RPS6KA2: variants seen among roughly 807,000 people sequenced by gnomAD.
RPS6KA2 encodes ribosomal protein S6 kinase A2.
In RPS6KA2, 42 loss-of-function variants were observed where a neutral mutation model predicts 91.8. The observed-to-expected ratio is 0.46, with a 90% CI of 0.36 to 0.59. The LOEUF (loss-of-function observed/expected upper bound fraction) is 0.59. Among genes scored for constraint, RPS6KA2 ranks in the 20% least tolerant of loss-of-function variants. The pLI is 0.00. For missense variants in RPS6KA2, 798 were observed against 978.5 expected (o/e 0.82, Z 2.46); for synonymous variants, 414 against 393.6 (o/e 1.05, Z -0.61).
chr6:166,763,272 T>C (rs1381892236), intron 2 of RPS6KA2, among the ~76,000 whole-genome samples: 1 of 152,210 alleles, frequency 6.6e-6, no homozygotes, highest in African/African-American at 2.4e-5. Context: ...ATTAAGAAAA[T>C]GGAAAAATAT....
chr6:166,621,593 A>G (rs1320537353), intron 1 of RPS6KA2, among the ~76,000 whole-genome samples: 1 of 152,246 alleles, frequency 6.6e-6, no homozygotes, highest in East Asian at 1.9e-4. Context: ...AATTCAGTGT[A>G]ATCAGAAATA....
intron 2 of RPS6KA2, among the ~76,000 whole-genome samples, chr6:166,653,324 G>A (rs1030999643): frequency 1.3e-5 from 2 of 152,330 alleles, no homozygotes; most frequent in East Asian, 3.9e-4. Flanking sequence ...GCCTCCCAAA[G>A]TGCTGGGATT....
rs1362226857 is a variant in RPS6KA2, at chr6:166,626,554, G to T, written c.99+367C>A. ...GGCTTCTCCACTCGGGACTTTGAGG[G>T]ACCCCCGCGGAGCGCTCCGCGCCAC... On this transcript the variant is annotated intron_variant, in intron 1 of 20. Transcript: ENST00000265678. This position sits in a 1 kb window ranked among gnomAD's most constrained non-coding sequence, Gnocchi z 4.1. Among the ~76,000 whole-genome samples the T allele has an allele frequency of 6.6e-6, 1 of 152,204 alleles. No homozygotes were observed. The highest frequency in any genetic ancestry group is 1.5e-5 in the Non-Finnish European group (1 of 68,026).
chr6:166,814,472 G>A (rs979175009), intron 2 of RPS6KA2, among the ~76,000 whole-genome samples: 16 of 152,356 alleles, frequency 1.1e-4, no homozygotes, highest in African/African-American at 3.8e-4. Flanking sequence ...CCAGCCCGTG[G>A]CCTGTTAGGA....
chr6:166,742,065 T>G (rs1790832638), intron 2 of RPS6KA2, among the ~76,000 whole-genome samples: 1 of 152,156 alleles, frequency 6.6e-6, no homozygotes, highest in African/African-American at 2.4e-5. Flanking sequence ...GAGGCGGCTG[T>G]TGCAGTGAGC....
chr6:166,644,628 C>A (rs1787552113), intron 2 of RPS6KA2, among the ~76,000 whole-genome samples: 1 of 152,146 alleles, frequency 6.6e-6, no homozygotes, highest in Non-Finnish European at 1.5e-5. Flanking sequence ...AGGGCCCATA[C>A]ATATTAAAAA....
rs544970045 is a variant in RPS6KA2, at chr6:166,745,447, C to T, written c.123+112753G>A. On this transcript the variant is annotated intron_variant, in intron 2 of 21. Coordinates refer to the RPS6KA2 transcript ENST00000503859. ...GATTCCAGGTGTGAGCCACTGCACC[C>T]GGCCCTAATCTCCTCTTATCATAAA... is the stretch of plus-strand genomic sequence containing the variant. Among the ~76,000 whole-genome samples, 7 of 152,300 alleles carry T rather than the reference C, an allele frequency of 4.6e-5. No homozygotes were observed. In the South Asian group the frequency reaches 6.2e-4, roughly 14 times the overall value.
At chr6:166,560,208 C>T (rs1173094307) in intron 1 of RPS6KA2, among the ~76,000 whole-genome samples, 3 of 152,202 alleles carry the variant, frequency 2.0e-5, no homozygotes, top group Admixed American at 6.5e-5. Flanking sequence ...TTCTGGCCCT[C>T]TGTGTTCTGC....
At chr6:166,690,794 C>T (rs1231727808) in intron 2 of RPS6KA2, among the ~76,000 whole-genome samples, 3 of 152,098 alleles carry the variant, frequency 2.0e-5, no homozygotes, top group African/African-American at 7.2e-5. Context: ...AAACACTGCC[C>T]CTGCACTGTG....
At chr6:166,702,143 A>T (rs1215868014) in intron 2 of RPS6KA2, 1 of 1,579,034 alleles carries the variant, frequency 6.3e-7, no homozygotes, top group African/African-American at 1.3e-5. Context: ...GTGGACATCG[A>T]TTTTAGACTG....
intron 11 of RPS6KA2, among the ~76,000 whole-genome samples, chr6:166,463,824 G>T (rs954741126): frequency 6.6e-6 from 1 of 152,182 alleles, no homozygotes; most frequent in Non-Finnish European, 1.5e-5. Context: ...AGGATCGAAA[G>T]CGCCGCAGGA....
intron 2 of RPS6KA2, among the ~76,000 whole-genome samples, chr6:166,687,144 T>A (rs1222702946): frequency 6.6e-6 from 1 of 152,136 alleles, no homozygotes; most frequent in Non-Finnish European, 1.5e-5. Flanking sequence ...GCCTCCACGG[T>A]CTCTGTGGGG....
At chr6:166,689,659 G>A (rs1789142597) in intron 2 of RPS6KA2, among the ~76,000 whole-genome samples, 1 of 152,178 alleles carries the variant, frequency 6.6e-6, no homozygotes, top group Non-Finnish European at 1.5e-5. Flanking sequence ...GTGGGAGACT[G>A]AGTGCAGGCA....
intron 2 of RPS6KA2, among the ~76,000 whole-genome samples, chr6:166,782,142 A>G (rs1426732835): frequency 1.3e-5 from 2 of 152,126 alleles, no homozygotes; most frequent in African/African-American, 4.8e-5. Context: ...AATACAAAAA[A>G]TTAGCCAGGT....
chr6:166,738,852 A>C (rs911848569), intron 2 of RPS6KA2, among the ~76,000 whole-genome samples: 1 of 152,194 alleles, frequency 6.6e-6, no homozygotes, highest in African/African-American at 2.4e-5. Context: ...GAGACATTAG[A>C]GGCCATCCAT....
chr6:166,680,835 A>C (rs1368341535), intron 2 of RPS6KA2, among the ~76,000 whole-genome samples: 2 of 152,186 alleles, frequency 1.3e-5, no homozygotes, highest in Non-Finnish European at 2.9e-5. Context: ...AGAACCCACC[A>C]ATTCTGGACA....
At chr6:166,680,507 A>G (rs1788763930) in intron 2 of RPS6KA2, among the ~76,000 whole-genome samples, 1 of 152,094 alleles carries the variant, frequency 6.6e-6, no homozygotes, top group Admixed American at 6.5e-5. Context: ...GCTGGTGCCC[A>G]CTTTTTGGGT....
rs1168596326 is a variant in RPS6KA2 at position 166,560,993 on chromosome 6, C to T, written c.100-22209G>A. Among the ~76,000 whole-genome samples, 3 of 152,076 alleles carry T rather than the reference C, an allele frequency of 2.0e-5. No homozygotes were observed. In the East Asian group the frequency reaches 5.8e-4, roughly 29 times the overall value. ...CACTCATATGTGCATTGGTAATCCA[C>T]ACCCCTACTAAATAAAGCAAGCTTT... On this transcript the variant is annotated intron_variant, in intron 1 of 20. Transcript: ENST00000265678.
Position 166,862,022 on chromosome 6 carries a change from C to A in RPS6KA2, c.63+86G>T. 1.9e-6 allele frequency: 3 copies of A among 1,554,180 alleles called. No individual in the cohort carries two copies. The South Asian group carries it at 3.3e-5, about 17-fold the overall frequency. The stretch of plus-strand genomic sequence containing the variant: ...ATCATAGTCACCTAATGGACATGAA[C>A]TGATTATAGTAAATGAGCAATGCAT... On this transcript the variant is annotated intron_variant, in intron 1 of 21. Coordinates refer to the RPS6KA2 transcript ENST00000503859.
Sources: allele counts gnomAD v4.1 joint callset (sites outside exome capture counted in the v4.1 genomes callset), GRCh38; gene constraint gnomAD v4.1.1; non-coding constraint Gnocchi (gnomAD v3.1); transcripts MANE v1.5; gene names NCBI Gene and HGNC (gene_info 2026-07-23, HGNC 2026-07-21).